The following MBTPS1 variants were observed in gnomAD, a reference collection of about 807,000 sequenced individuals.
The protein encoded by MBTPS1 is membrane-bound transcription factor site-1 protease.
MBTPS1 carries 94 observed loss-of-function variants against 127.8 expected under a neutral mutation model. The ratio of observed to expected loss-of-function variants is 0.74; its 90% CI spans 0.62 to 0.87. MBTPS1 has a LOEUF of 0.87. Ranked by LOEUF, MBTPS1 falls within the 40% of genes least tolerant of loss-of-function variation. The pLI, the probability that MBTPS1 is intolerant of heterozygous loss-of-function variation, is 0.00. For synonymous variants in MBTPS1, 632 were observed against 509.4 expected, an observed-to-expected ratio of 1.24 and a Z score of -3.24; for missense variants, 1,636 against 1,353.2, an observed-to-expected ratio of 1.21 and a Z score of -3.28.
At position 84,099,139 on chromosome 16, in the gene MBTPS1, GCTTT is replaced by G. The variant is rs778199065; in HGVS notation, c.331_334del (p.Lys111ArgfsTer4). On this transcript the variant is annotated frameshift_variant, in exon 3 of 23. Transcript: ENST00000343411. LOFTEE classifies it high-confidence loss of function. ...ATGATCTTCAAGTGTTAGCAGCCCC[GCTTT>G]CTGTTTTTCTTTTATCTGAATCACC... 4 of 1,614,052 alleles carry G rather than the reference GCTTT, an allele frequency of 2.5e-6. No homozygotes were observed. Among genetic ancestry groups the G allele is most frequent in the Non-Finnish European group, 3.4e-6 (4 of 1,179,964 alleles).
At chr16:84,082,811 A>G (rs1021210615) in intron 10 of MBTPS1, among the ~76,000 whole-genome samples, 6 of 152,162 alleles carry the variant, frequency 3.9e-5, no homozygotes, top group Non-Finnish European at 7.4e-5. Flanking sequence ...TGGGTCAACA[A>G]TCTTCCTCCT....
chr16:84,066,371 CCA>C, intron 17 of MBTPS1, 116 bp downstream of exon 17: 2 of 1,101,944 alleles, frequency 1.8e-6, no homozygotes, highest in Non-Finnish European at 2.5e-6. Context: ...TGAGTTCTTT[CCA>C]CAGACTCCAG....
chr16:84,101,718 G>A lies in MBTPS1; in HGVS notation c.66C>T (p.Gly22=), dbSNP rs201212698. The change falls in exon 2 of 23, where the codon GGC becomes GGT. Residue 22 remains glycine (G), a synonymous_variant. Coordinates refer to ENST00000343411, the MANE Select transcript of MBTPS1 (RefSeq NM_003791.4). The stretch of plus-strand genomic sequence containing the variant: ...CAAAAGATTTCTTTTCCAGTCTGTC[G>A]CCCAGATGTTTCTTCCCACAGAGCA... The part of the protein sequence containing the change: ...VVLLCGKKHL[G]DRLEKKSFEK... The A allele has an allele frequency of 7.9e-5, 128 of 1,614,022 alleles. No individual in the cohort carries two copies. In the Admixed American group the frequency reaches 8.0e-4, roughly 10 times the overall value.
In MBTPS1 at chr16:84,059,337, C is replaced by T. The variant is rs1268100164; in HGVS notation, c.2796G>A (p.Trp932Ter). Reference protein sequence around the residue: ...RPLPACPRLSWAKPQPLNETA... With the variant: ...RPLPACPRLS ...TCTCGTTTAAAGGCTGTGGCTTGGC[C>T]CAAGACAAGCGTGGACAGGCTGGTA... Residue 932 changes from tryptophan to a stop codon, truncating the protein, a stop_gained, in exon 21 of 23, where the codon TGG (tryptophan) becomes TGA (stop). Transcript: ENST00000343411. LOFTEE classifies it high-confidence loss of function. 1.2e-6 allele frequency: 2 copies of T among 1,614,034 alleles called. No individual in the cohort carries two copies. The highest frequency in any genetic ancestry group is 8.5e-7 in the Non-Finnish European group (1 of 1,179,958).
intron 1 of MBTPS1, among the ~76,000 whole-genome samples, chr16:84,115,264 G>C (rs1338242702): frequency 6.6e-6 from 1 of 152,166 alleles, no homozygotes; most frequent in African/African-American, 2.4e-5. Context: ...GACTAGAAGA[G>C]CTCCCACTTC....
chr16:84,059,433 G>A lies in MBTPS1; in HGVS notation c.2705-5C>T, dbSNP rs748982389. 9.3e-6 allele frequency: 15 copies of A among 1,605,064 alleles called. No individual in the cohort carries two copies. Among genetic ancestry groups the A allele is most frequent in the South Asian group, 1.1e-5 (1 of 89,712 alleles). On this transcript the variant is annotated splice_polypyrimidine_tract_variant and splice_region_variant and intron_variant, in intron 20 of 22. Coordinates refer to ENST00000343411, the MANE Select transcript of MBTPS1 (RefSeq NM_003791.4). The stretch of plus-strand genomic sequence containing the variant: ...AGTACCGATGAAGATGGTTTCCTGT[G>A]GTTAGCAGCAACATCAACAAAAAGG...
At chr16:84,105,007 C>T (rs1004184996) in intron 1 of MBTPS1, among the ~76,000 whole-genome samples, 3 of 151,410 alleles carry the variant, frequency 2.0e-5, no homozygotes, top group Admixed American at 2.0e-4. Flanking sequence ...GAGGGTGAGG[C>T]AGGATAATCG....
intron 11 of MBTPS1, 69 bp from the exon 12 acceptor site, chr16:84,074,810 A>G: frequency 1.4e-6 from 2 of 1,418,504 alleles, no homozygotes; most frequent in East Asian, 2.3e-5. Flanking sequence ...ACAACTGTAC[A>G]AGACAGAGTT....
At chr16:84,101,554 A>G (rs1431439043) in intron 2 of MBTPS1, 67 bp downstream of exon 2, 4 of 1,391,560 alleles carry the variant, frequency 2.9e-6, no homozygotes, top group Non-Finnish European at 3.9e-6. Flanking sequence ...GCAATAGCTA[A>G]TTTTATATTA....
intron 8 of MBTPS1, among the ~76,000 whole-genome samples, chr16:84,089,229 G>A (rs1396510103): frequency 6.6e-6 from 1 of 152,266 alleles, no homozygotes; most frequent in African/African-American, 2.4e-5. Flanking sequence ...GATTGTGGCT[G>A]GAGTTGGCCA....
Position 84,095,776 on chromosome 16 carries a change from G to C in MBTPS1, c.451C>G (p.Arg151Gly). The C allele has an allele frequency of 1.2e-6, 2 of 1,613,982 alleles. No homozygotes were observed. Among genetic ancestry groups the C allele is most frequent in the Non-Finnish European group, 1.7e-6 (2 of 1,179,976 alleles). The change falls in exon 4 of 23, where the codon CGG becomes GGG. Residue 151 changes from arginine to glycine, a missense_variant. By Grantham distance (125) the Arg-to-Gly change is moderately radical (BLOSUM62 -2). Coordinates refer to ENST00000343411, the MANE Select transcript of MBTPS1 (RefSeq NM_003791.4). The stretch of plus-strand genomic sequence containing the variant: ...GATGATTGCCACTTCTGGCTCCACC[G>C]GGTTTCATTGCAGGGTACTGTGGGG... ...SDPTVPCNET[R>G]WSQKWQSSRP...
intron 8 of MBTPS1, among the ~76,000 whole-genome samples, chr16:84,089,206 C>A (rs919184943): frequency 3.3e-5 from 5 of 152,258 alleles, no homozygotes; most frequent in Non-Finnish European, 7.3e-5. Context: ...AGTGGAAGAT[C>A]AAGGTGAACT....
intron 3 of MBTPS1, among the ~76,000 whole-genome samples, chr16:84,098,509 C>CTAAG (rs2086209549): frequency 6.7e-6 from 1 of 149,168 alleles, no homozygotes; most frequent in South Asian, 2.1e-4. Context: ...ACTTGGGAGG[C>CTAAG]TAAGGCAGGA....
intron 1 of MBTPS1, among the ~76,000 whole-genome samples, chr16:84,109,778 C>G (rs1013335538): frequency 3.9e-5 from 6 of 152,196 alleles, no homozygotes; most frequent in African/African-American, 1.4e-4. Flanking sequence ...GTAACAGGCA[C>G]TCAGGGACAA....
chr16:84,068,052 T>C (rs1292885147), intron 15 of MBTPS1, among the ~76,000 whole-genome samples: 1 of 152,236 alleles, frequency 6.6e-6, no homozygotes, highest in African/African-American at 2.4e-5. Flanking sequence ...GGATAAAGAT[T>C]TTCATTCACT....
chr16:84,086,399 A>G (rs1353902064), intron 9 of MBTPS1: 1 of 152,454 alleles, frequency 6.6e-6, no homozygotes, highest in Non-Finnish European at 1.5e-5. Flanking sequence ...ATGCTGAGGG[A>G]GCGTGGATGG....
chr16:84,058,529 T>A (rs1325069542), intron 21 of MBTPS1, among the ~76,000 whole-genome samples: 1 of 152,194 alleles, frequency 6.6e-6, no homozygotes, highest in East Asian at 1.9e-4. Context: ...CTGACAGCTG[T>A]CCCTGGCTTC....
intron 1 of MBTPS1, among the ~76,000 whole-genome samples, chr16:84,115,018 G>A (rs1430034288): frequency 6.6e-6 from 1 of 151,312 alleles, no homozygotes; most frequent in African/African-American, 2.4e-5. Context: ...AACCTCTGCC[G>A]CCTGGGTTCA....
Position 84,060,719 on chromosome 16 carries a change from G to C in MBTPS1, c.2667C>G (p.Pro889=). Reference sequence around the variant, plus strand: ...CTGGAGTGACTGAGCCTGCTCCACTGGGAGGGCGCTGGCGGTTCCCAGAGT... The same window carrying C: ...CTGGAGTGACTGAGCCTGCTCCACTCGGAGGGCGCTGGCGGTTCCCAGAGT... The part of the protein sequence containing the change: ...LSHSGNRQRP[P]SGAGSVTPER... Residue 889 remains proline, a synonymous_variant, in exon 20 of 23, where the codon CCC becomes CCG. Transcript: ENST00000343411. 6.2e-7 allele frequency: 1 copy of C among 1,613,910 alleles called. No individual in the cohort carries two copies. Among genetic ancestry groups the C allele is most frequent in the Non-Finnish European group, 8.5e-7 (1 of 1,179,944 alleles).
Sources: gnomAD v4.1 joint callset for allele counts (sites outside exome capture counted in the v4.1 genomes callset) on GRCh38, gnomAD v4.1.1 for gene constraint, MANE v1.5 for transcripts, NCBI Gene and HGNC (gene_info 2026-07-23, HGNC 2026-07-21) for gene names.